Variants in PDE7B observed in about 807,000 individuals in gnomAD.
PDE7B encodes phosphodiesterase 7B, also known as 3',5'-cyclic-AMP phosphodiesterase 7B.
A neutral mutation model predicts 56.2 loss-of-function variants in PDE7B; 29 were observed. That is an observed-to-expected ratio of 0.52 (90% CI 0.38 to 0.70). The LOEUF (loss-of-function observed/expected upper bound fraction) is 0.70. PDE7B is among the 30% of genes least tolerant of loss of function. The probability of loss-of-function intolerance (pLI) is 0.00; values close to 1 mark genes in which losing one functional copy is unlikely to be tolerated. For missense variants in PDE7B, 490 were observed against 565.0 expected (o/e 0.87, Z 1.35); for synonymous variants, 197 against 196.9 (o/e 1.00, Z 0.00).
In PDE7B at chr6:135,916,236, T is replaced by G. The variant is rs75488885; in HGVS notation, c.22-31228T>G. ...TCTTCTGTTTTGTTGTTGTTGTTGT[T>G]GTGTTAAGTTTAGCCATTCTAATGG... On this transcript the variant is annotated intron_variant, in intron 1 of 12. Transcript: ENST00000308191. Among the ~76,000 whole-genome samples, 1,395 of 148,944 alleles carry G rather than the reference T, an allele frequency of 9.4e-3. 15 individuals carry two copies. Among genetic ancestry groups the G allele is most frequent in the African/African-American group, 0.034 (1,317 of 38,490 alleles).
intron 3 of PDE7B, among the ~76,000 whole-genome samples, chr6:136,139,823 T>C (rs2128445748): frequency 6.6e-6 from 1 of 152,328 alleles, no homozygotes; most frequent in African/African-American, 2.4e-5. Context: ...GGTTGTTTGT[T>C]TTTTTCTTGT....
chr6:135,961,481 A>G (rs1774902215), intron 2 of PDE7B, among the ~76,000 whole-genome samples: 1 of 152,156 alleles, frequency 6.6e-6, no homozygotes, highest in African/African-American at 2.4e-5. Flanking sequence ...AGTTTATGTA[A>G]TAGCCTGTAA....
chr6:135,990,098 G>GTT lies in PDE7B; in HGVS notation c.82+42588_82+42589dup, dbSNP rs34915536. 1.4e-3 allele frequency among the ~76,000 whole-genome samples: 199 copies of GTT among 137,728 alleles called. 3 individuals are homozygous for GTT. Among genetic ancestry groups the GTT allele is most frequent in the Middle Eastern group, 0.011 (3 of 266 alleles). The allele number at this position is 137,728 out of a possible 152,430, so 90.4% of individuals were successfully genotyped here. A position where few individuals can be genotyped will look rare whatever the true frequency, so the allele number is the denominator to read the frequency against. ...CTGTTTTGATTTTTGGGGTTTTTTT[G>GTT]TTTTTTTTTTTTTTTGAGACAGAGT... On this transcript the variant is annotated intron_variant, in intron 2 of 12. Transcript: ENST00000308191.
chr6:135,913,503 C>T (rs1776245972), intron 1 of PDE7B, among the ~76,000 whole-genome samples: 1 of 152,162 alleles, frequency 6.6e-6, no homozygotes, highest in Non-Finnish European at 1.5e-5. Flanking sequence ...CCTATGCCTC[C>T]TGGCTTTGAT....
At chr6:136,067,990 G>T (rs563003860) in intron 2 of PDE7B, among the ~76,000 whole-genome samples, 1 of 152,288 alleles carries the variant, frequency 6.6e-6, no homozygotes, top group East Asian at 1.9e-4. Context: ...AAAATGAAAT[G>T]CCACCTGAAA....
At chr6:135,872,875 T>G (rs1775412334) in intron 1 of PDE7B, among the ~76,000 whole-genome samples, 1 of 152,300 alleles carries the variant, frequency 6.6e-6, no homozygotes, top group South Asian at 2.1e-4. Flanking sequence ...TATATAGTAG[T>G]GAGTGTGTGT....
chr6:135,877,923 T>A (rs1003907692), intron 1 of PDE7B, among the ~76,000 whole-genome samples: 4 of 152,106 alleles, frequency 2.6e-5, no homozygotes, highest in Non-Finnish European at 5.9e-5. Flanking sequence ...ATACACCCTA[T>A]CTGGGGAGTC....
At chr6:135,886,247 A>G (rs1775707657) in intron 1 of PDE7B, among the ~76,000 whole-genome samples, 1 of 152,212 alleles carries the variant, frequency 6.6e-6, no homozygotes, top group African/African-American at 2.4e-5. Flanking sequence ...TTGTGAATCA[A>G]TAGCACCTTT....
In PDE7B at chr6:135,955,613, G is replaced by T. The variant is rs751686684; in HGVS notation, c.82+8089G>T. Among the ~76,000 whole-genome samples the T allele has an allele frequency of 4.3e-4, 65 of 152,082 alleles. 1 individual carries two copies. Among genetic ancestry groups the T allele is most frequent in the Non-Finnish European group, 8.5e-4 (58 of 68,024 alleles). ...GATGTTTAAGCAGAGGAGCTACAAG[G>T]GGAGATACACACTTTAGACAGATCA... On this transcript the variant is annotated intron_variant, in intron 2 of 12. Transcript: ENST00000308191.
chr6:136,161,015 C>A (rs1778694359), intron 8 of PDE7B, among the ~76,000 whole-genome samples: 1 of 152,074 alleles, frequency 6.6e-6, no homozygotes, highest in Non-Finnish European at 1.5e-5. Flanking sequence ...TATAAAGTAT[C>A]CCTCTTGCTT....
chr6:135,930,861 T>C (rs1032753647), intron 1 of PDE7B, among the ~76,000 whole-genome samples: 1 of 152,252 alleles, frequency 6.6e-6, no homozygotes, highest in Non-Finnish European at 1.5e-5. Flanking sequence ...TGGAGTTCTA[T>C]GTGTCATTGA....
chr6:135,888,819 A>T (rs867704099), intron 1 of PDE7B, among the ~76,000 whole-genome samples: 1 of 152,136 alleles, frequency 6.6e-6, no homozygotes, highest in Non-Finnish European at 1.5e-5. Flanking sequence ...CTAATTATAT[A>T]ATTCTGGTGT....
intron 2 of PDE7B, among the ~76,000 whole-genome samples, chr6:136,024,409 T>G (rs1475228261): frequency 6.6e-6 from 1 of 152,216 alleles, no homozygotes; most frequent in Non-Finnish European, 1.5e-5. Context: ...ATGTTACCTT[T>G]ATCATCTTTT....
intron 2 of PDE7B, among the ~76,000 whole-genome samples, chr6:136,042,679 C>T (rs1457580485): frequency 1.3e-5 from 2 of 152,190 alleles, no homozygotes; most frequent in African/African-American, 4.8e-5. Flanking sequence ...AGAAAATCTC[C>T]AGAACCATTC....
Position 135,952,283 on chromosome 6 carries a change from C to A in PDE7B, c.82+4759C>A, listed in dbSNP as rs572013322. Among the ~76,000 whole-genome samples, 9 of 152,040 alleles carry A rather than the reference C, an allele frequency of 5.9e-5. No homozygotes were observed. In the East Asian group the frequency reaches 1.7e-3, roughly 29 times the overall value. On this transcript the variant is annotated intron_variant, in intron 2 of 12. Transcript: ENST00000308191. ...TAATAAAAATTATTACTGATGATAC[C>A]AATGGTGTTTAGAAAAGCAATCGAA...
intron 3 of PDE7B, among the ~76,000 whole-genome samples, chr6:136,114,056 C>G (rs3757154): frequency 0.36 from 54,344 of 151,976 alleles, 9,897 homozygotes; most frequent in South Asian, 0.45. Context: ...TCCACTGCTA[C>G]AGAGAACCCA....
chr6:135,869,789 G>A (rs1775338797), intron 1 of PDE7B, among the ~76,000 whole-genome samples: 1 of 152,222 alleles, frequency 6.6e-6, no homozygotes, highest in African/African-American at 2.4e-5. Flanking sequence ...TGGAAAAAGA[G>A]TGATCCCGGC....
intron 11 of PDE7B, among the ~76,000 whole-genome samples, chr6:136,184,299 A>G (rs1779112705): frequency 6.6e-6 from 1 of 152,204 alleles, no homozygotes; most frequent in South Asian, 2.1e-4. Context: ...TGAATGAATA[A>G]ATGATCTAAT....
At chr6:135,874,063 T>A (rs9402768) in intron 1 of PDE7B, among the ~76,000 whole-genome samples, 5,772 of 152,224 alleles carry the variant, frequency 0.038, 181 homozygotes, top group East Asian at 0.12. Flanking sequence ...TGTGGGAGGA[T>A]GGGCATGAAA....
Sources: allele counts gnomAD v4.1 joint callset (sites outside exome capture counted in the v4.1 genomes callset), GRCh38; gene constraint gnomAD v4.1.1; transcripts MANE v1.5; gene names NCBI Gene and HGNC (gene_info 2026-07-23, HGNC 2026-07-21).